The following RGS7 variants were observed in gnomAD, a reference collection of about 807,000 sequenced individuals.
RGS7 encodes regulator of G protein signaling 7, also known as regulator of G-protein signaling 7.
Under a neutral mutation model 81.1 loss-of-function variants are expected in RGS7, and 27 were observed. That is an observed-to-expected ratio of 0.33 (90% CI 0.25 to 0.46). The LOEUF (loss-of-function observed/expected upper bound fraction) is 0.46. RGS7 is among the 20% of genes least tolerant of loss of function. The pLI is 1.00. For synonymous variants in RGS7, 208 were observed against 207.7 expected (o/e 1.00, Z -0.01); for missense variants, 396 against 607.4 (o/e 0.65, Z 3.66).
intron 6 of RGS7, among the ~76,000 whole-genome samples, chr1:240,883,766 G>T (rs1244507908): frequency 1.3e-5 from 2 of 152,060 alleles, no homozygotes; most frequent in Non-Finnish European, 2.9e-5. Flanking sequence ...TTATGCTTTT[G>T]GTTGACAATC....
At chr1:240,992,306 A>T (rs939476788) in intron 3 of RGS7, among the ~76,000 whole-genome samples, 9 of 152,210 alleles carry the variant, frequency 5.9e-5, no homozygotes, top group African/African-American at 2.2e-4. Flanking sequence ...GTTCAAGACC[A>T]GTGTGGCCAA....
In RGS7 at chr1:240,936,851, C is replaced by T. The variant is rs150950020; in HGVS notation, c.227-145G>A. On this transcript the variant is annotated intron_variant, in intron 4 of 18. Transcript: ENST00000440928. The stretch of plus-strand genomic sequence containing the variant: ...TAATTTCTGACTTCCTTGTTCTTTG[C>T]TCTCGAGATAAACTTCCTTGTCCCT... 660 of 676,526 alleles carry T rather than the reference C, an allele frequency of 9.8e-4. 1 individual carries two copies. The highest frequency in any genetic ancestry group is 1.3e-3 in the Non-Finnish European group (497 of 389,448). The allele number at this position is 676,526 out of a possible 1,614,324, so 41.9% of individuals were successfully genotyped here. A position where few individuals can be genotyped will look rare whatever the true frequency, so the allele number is the denominator to read the frequency against.
intron 6 of RGS7, among the ~76,000 whole-genome samples, chr1:240,918,030 GA>G (rs1407152245): frequency 1.3e-5 from 2 of 152,152 alleles, no homozygotes; most frequent in Non-Finnish European, 2.9e-5. Context: ...CATAACAACA[GA>G]AGGTTCAATT....
In RGS7 at chr1:241,017,593, T is replaced by C. The variant is rs142603875; in HGVS notation, c.176-34464A>G. On this transcript the variant is annotated intron_variant, in intron 3 of 18. Coordinates refer to ENST00000440928, the MANE Select transcript of RGS7 (RefSeq NM_001364886.1). ...GTTAGCCAGACATAGAATTATAGGT[T>C]GGCAGATTTTTCTTTGAATACTTCA... Among the ~76,000 whole-genome samples the C allele has an allele frequency of 8.7e-3, 1,320 of 152,258 alleles. 18 individuals carry two copies. Among genetic ancestry groups the C allele is most frequent in the African/African-American group, 0.031 (1,268 of 41,550 alleles).
At chr1:240,826,887 C>T (rs996103932) in intron 10 of RGS7, among the ~76,000 whole-genome samples, 8 of 152,098 alleles carry the variant, frequency 5.3e-5, no homozygotes, top group South Asian at 4.1e-4. Flanking sequence ...CTGTTCCTCT[C>T]GTCTCAGTCA....
intron 6 of RGS7, among the ~76,000 whole-genome samples, chr1:240,907,149 T>C (rs939973294): frequency 6.6e-6 from 1 of 152,084 alleles, no homozygotes; most frequent in African/African-American, 2.4e-5. Flanking sequence ...ATTCCATGAC[T>C]AAAGAAAGTC....
intron 2 of RGS7, among the ~76,000 whole-genome samples, chr1:241,175,944 T>C (rs576685077): frequency 6.6e-6 from 1 of 152,266 alleles, no homozygotes; most frequent in Admixed American, 6.5e-5. Flanking sequence ...TTTTTGCAAG[T>C]AATTTACATG....
chr1:241,118,683 T>C (rs1017416022), intron 2 of RGS7, among the ~76,000 whole-genome samples: 1 of 152,088 alleles, frequency 6.6e-6, no homozygotes, highest in Non-Finnish European at 1.5e-5. Flanking sequence ...AAACATGGTA[T>C]ATAAACACCA....
intron 3 of RGS7, among the ~76,000 whole-genome samples, chr1:241,080,003 T>C (rs945124759): frequency 2.6e-5 from 4 of 152,132 alleles, no homozygotes; most frequent in African/African-American, 9.7e-5. Context: ...ATGTAATATG[T>C]CTGCATCAGT....
chr1:241,260,282 A>G (rs1573396337), intron 2 of RGS7, among the ~76,000 whole-genome samples: 1 of 152,346 alleles, frequency 6.6e-6, no homozygotes, highest in Non-Finnish European at 1.5e-5. Context: ...ATAGAGACTG[A>G]TCCTCAATAG....
intron 3 of RGS7, among the ~76,000 whole-genome samples, chr1:241,003,623 G>T (rs1029787226): frequency 2.6e-5 from 4 of 152,138 alleles, no homozygotes; most frequent in African/African-American, 9.7e-5. Flanking sequence ...TAAGGATTTT[G>T]AGTTTGCATC....
At chr1:241,277,234 G>C (rs1039286308) in intron 2 of RGS7, among the ~76,000 whole-genome samples, 1 of 152,138 alleles carries the variant, frequency 6.6e-6, no homozygotes, top group Non-Finnish European at 1.5e-5. Context: ...TATGCCCAAT[G>C]AATTATTTTT....
intron 2 of RGS7, among the ~76,000 whole-genome samples, chr1:241,157,821 C>CTTTTTTTT (rs67249227): frequency 4.2e-5 from 4 of 94,712 alleles, no homozygotes; most frequent in African/African-American, 1.4e-4. Context: ...CTTTTCTTTT[C>CTTTTTTTT]TTTTTTTTTT....
chr1:241,102,641 C>T (rs1347744963), intron 2 of RGS7, among the ~76,000 whole-genome samples: 1 of 152,126 alleles, frequency 6.6e-6, no homozygotes, highest in African/African-American at 2.4e-5. Context: ...TTACAGGGCA[C>T]TAATTAAAGT....
intron 4 of RGS7, among the ~76,000 whole-genome samples, chr1:240,944,242 A>T (rs1279611731): frequency 7.0e-6 from 1 of 142,418 alleles, no homozygotes; most frequent in Non-Finnish European, 1.5e-5. Context: ...ATCCTTTAAC[A>T]AGATTCTGTT....
chr1:241,177,749 A>T (rs1421303251), intron 2 of RGS7, among the ~76,000 whole-genome samples: 1 of 152,168 alleles, frequency 6.6e-6, no homozygotes, highest in African/African-American at 2.4e-5. Flanking sequence ...AGACAACAAG[A>T]CTTCCTAGTT....
intron 9 of RGS7, among the ~76,000 whole-genome samples, chr1:240,857,555 C>G (rs1661369396): frequency 1.3e-5 from 2 of 151,994 alleles, no homozygotes; most frequent in Non-Finnish European, 2.9e-5. Flanking sequence ...CCCTGCTTTC[C>G]CTTCAACCCT....
chr1:240,874,221 T>C (rs1664971840), intron 6 of RGS7, among the ~76,000 whole-genome samples: 1 of 152,198 alleles, frequency 6.6e-6, no homozygotes, highest in Non-Finnish European at 1.5e-5. Flanking sequence ...GTTTGCTGTT[T>C]ATAAACAAAA....
rs187192725 is a variant in RGS7, at chr1:241,151,890, G to A, written c.79-53128C>T. 2.6e-4 allele frequency among the ~76,000 whole-genome samples: 40 copies of A among 152,192 alleles called. 1 individual carries two copies. Among genetic ancestry groups the A allele is most frequent in the African/African-American group, 8.9e-4 (37 of 41,528 alleles). ...ATAAATGTTCACATTGGCACCCATC[G>A]ATATCATGAATGGAATACAAGCTCC... On this transcript the variant is annotated intron_variant, in intron 2 of 18. Transcript: ENST00000440928.
Sources: allele counts gnomAD v4.1 joint callset (sites outside exome capture counted in the v4.1 genomes callset), GRCh38; gene constraint gnomAD v4.1.1; transcripts MANE v1.5; gene names NCBI Gene and HGNC (gene_info 2026-07-23, HGNC 2026-07-21).